The following AHI1 variants were observed in gnomAD, a reference collection of about 807,000 sequenced individuals.
AHI1 encodes the protein Abelson helper integration site 1.
A neutral mutation model predicts 149.3 loss-of-function variants in AHI1; 123 were observed. That is an observed-to-expected ratio of 0.82 (90% CI 0.71 to 0.96). AHI1 has a LOEUF of 0.96. AHI1 is among the 40% of genes least tolerant of loss of function. AHI1 has a pLI of 0.00. For synonymous variants in AHI1, 475 were observed against 459.8 expected, an observed-to-expected ratio of 1.03 and a Z score of -0.42; for missense variants, 1,439 against 1,422.7, an observed-to-expected ratio of 1.01 and a Z score of -0.18.
chr6:135,386,687 A>C (rs1192863512), intron 23 of AHI1, among the ~76,000 whole-genome samples: 2 of 150,294 alleles, frequency 1.3e-5, no homozygotes, highest in Admixed American at 6.6e-5. Flanking sequence ...CTGGAGTGCA[A>C]TGGCGTGGTC....
chr6:135,349,721 C>T (rs544979734), intron 24 of AHI1, among the ~76,000 whole-genome samples: 24 of 152,300 alleles, frequency 1.6e-4, no homozygotes, highest in Non-Finnish European at 2.8e-4. Context: ...AGATGTGCTT[C>T]ATTTTTCTGC....
chr6:135,387,742 G>A, intron 23 of AHI1: 1 of 1,159,080 alleles, frequency 8.6e-7, no homozygotes, highest in Admixed American at 4.1e-5. Flanking sequence ...AAAACAAACT[G>A]TATAATTTCA....
intron 17 of AHI1, 109 bp from the exon 18 acceptor site, chr6:135,430,109 A>T (rs1784443231): frequency 1.7e-6 from 1 of 589,620 alleles, no homozygotes; most frequent in Admixed American, 3.3e-5. Context: ...ACTGTATAGG[A>T]TGCTTTAAAA....
At chr6:135,407,808 C>G (rs1022888386) in intron 21 of AHI1, among the ~76,000 whole-genome samples, 3 of 151,904 alleles carry the variant, frequency 2.0e-5, no homozygotes, top group Non-Finnish European at 4.4e-5. Flanking sequence ...GTCAGGAGAT[C>G]GAGATCATCC....
rs1372681951 is a variant in AHI1, at chr6:135,285,337, C to T, written c.*308G>A. ...ATTCACATTTGCTGAGTAGCAATTA[C>T]AGTGTTTTCTTCATTAGTTTTCCAA... is the stretch of plus-strand genomic sequence containing the variant. On this transcript the variant is annotated 3_prime_UTR_variant, in exon 29 of 29. Transcript: ENST00000265602. The T allele has an allele frequency of 2.2e-6, 1 of 448,526 alleles. No individual in the cohort carries two copies. Among genetic ancestry groups the T allele is most frequent in the Non-Finnish European group, 4.0e-6 (1 of 249,196 alleles). The allele number at this position is 448,526 out of a possible 1,614,324, so 27.8% of individuals were successfully genotyped here.
At chr6:135,426,437 A>T (rs1209313245) in intron 20 of AHI1, among the ~76,000 whole-genome samples, 2 of 151,760 alleles carry the variant, frequency 1.3e-5, no homozygotes, top group Non-Finnish European at 3.0e-5. Context: ...ATTTATCACA[A>T]CCATTAATCA....
intron 5 of AHI1, among the ~76,000 whole-genome samples, chr6:135,482,625 C>T (rs1182732144): frequency 6.6e-6 from 1 of 151,840 alleles, no homozygotes; most frequent in African/African-American, 2.4e-5. Flanking sequence ...ATAATTTGGT[C>T]TTTGAAAATA....
chr6:135,378,986 A>T (rs1562619588), intron 23 of AHI1, among the ~76,000 whole-genome samples: 1 of 152,178 alleles, frequency 6.6e-6, no homozygotes, highest in Non-Finnish European at 1.5e-5. Flanking sequence ...CCATGGGCTC[A>T]AATACCACAC....
chr6:135,461,268 T>C (rs796346222), intron 8 of AHI1, among the ~76,000 whole-genome samples: 10 of 152,190 alleles, frequency 6.6e-5, no homozygotes, highest in African/African-American at 2.4e-4. Flanking sequence ...AACTTGAATA[T>C]ATTTACAAAT....
At chr6:135,291,694 G>A (rs576061490) in intron 27 of AHI1, among the ~76,000 whole-genome samples, 1 of 152,300 alleles carries the variant, frequency 6.6e-6, no homozygotes, top group South Asian at 2.1e-4. Context: ...GTGAAATGAA[G>A]TCAGATGACT....
At chr6:135,429,133 G>T (rs1290477066) in intron 18 of AHI1, among the ~76,000 whole-genome samples, 1 of 151,470 alleles carries the variant, frequency 6.6e-6, no homozygotes, top group African/African-American at 2.4e-5. Flanking sequence ...CTAATGGATA[G>T]AATTTTTATA....
intron 5 of AHI1, among the ~76,000 whole-genome samples, chr6:135,473,924 G>A (rs990365063): frequency 6.6e-6 from 1 of 152,032 alleles, no homozygotes; most frequent in Non-Finnish European, 1.5e-5. Context: ...TTATGATGGT[G>A]CATAAACACG....
rs75124116 is a variant in AHI1 at position 135,325,872 on chromosome 6, G to A, written c.3166-2548C>T. Among the ~76,000 whole-genome samples the A allele has an allele frequency of 3.8e-3, 584 of 152,302 alleles. 1 individual carries two copies. Among genetic ancestry groups the A allele is most frequent in the African/African-American group, 0.013 (558 of 41,558 alleles). ...CAGCTTAGGCAACAGAATCACTTACGAAATCCTACATCAGGCTGTGTCACT... is the reference window on the plus strand; with the variant it reads ...CAGCTTAGGCAACAGAATCACTTACAAAATCCTACATCAGGCTGTGTCACT... On this transcript the variant is annotated intron_variant, in intron 24 of 28. Transcript: ENST00000265602.
intron 20 of AHI1, among the ~76,000 whole-genome samples, chr6:135,425,718 T>TA (rs11464133): frequency 0.012 from 1,778 of 151,898 alleles, 38 homozygotes; most frequent in African/African-American, 0.041. Flanking sequence ...CCCATTTTTT[T>TA]AGACTCCTAA....
Position 135,495,902 on chromosome 6 carries a change from T to C in AHI1, c.-139-4A>G, listed in dbSNP as rs946173763. The C allele has an allele frequency of 6.6e-6, 1 of 152,174 alleles. No individual in the cohort carries two copies. The highest frequency in any genetic ancestry group is 1.9e-4 in the East Asian group (1 of 5,204). The allele number at this position is 152,174 out of a possible 1,614,324, so 9.4% of individuals were successfully genotyped here. On this transcript the variant is annotated splice_region_variant and splice_polypyrimidine_tract_variant and intron_variant, in intron 2 of 28. Transcript: ENST00000265602. ...TAAAATGGCACCTATTTTAGTACTG[T>C]AAGGAGAAGAGAAAATACCAAAAAG...
intron 3 of AHI1, chr6:135,493,048 G>A (rs1043837070): frequency 8.8e-5 from 75 of 848,190 alleles, no homozygotes; most frequent in African/African-American, 4.2e-4. Context: ...TCCCTTTGTC[G>A]AGTGCAGTGG....
chr6:135,431,978 G>A (rs1373170463), intron 16 of AHI1, among the ~76,000 whole-genome samples: 2 of 145,984 alleles, frequency 1.4e-5, no homozygotes, highest in African/African-American at 2.5e-5. Context: ...TCTACCCACT[G>A]GAGTAACATG....
chr6:135,423,158 T>C (rs548888484), intron 20 of AHI1, among the ~76,000 whole-genome samples: 6 of 152,274 alleles, frequency 3.9e-5, no homozygotes, highest in South Asian at 4.1e-4. Flanking sequence ...TGAGATAATA[T>C]ATGTAAAATG....
chr6:135,428,672 A>T lies in AHI1; in HGVS notation c.2580T>A (p.Ala860=), dbSNP rs1185759126. ...CATACACTATACCATCCTCACTTCC[A>T]GCAAACAGAAAAGTCCCACATGGAG... ...TLTPCGTFLF[A]GSEDGIVYVW... is the part of the protein sequence containing the mutation. Residue 860 remains alanine, a synonymous_variant, in exon 19 of 29, where the codon GCT becomes GCA. Coordinates refer to ENST00000265602, the MANE Select transcript of AHI1 (RefSeq NM_001134831.2). The T allele has an allele frequency of 1.2e-6, 2 of 1,609,070 alleles. No individual in the cohort carries two copies. The highest frequency in any genetic ancestry group is 1.7e-5 in the Admixed American group (1 of 59,566).
Sources: gnomAD v4.1 joint callset for allele counts (sites outside exome capture counted in the v4.1 genomes callset) on GRCh38, gnomAD v4.1.1 for gene constraint, MANE v1.5 for transcripts, NCBI Gene and HGNC (gene_info 2026-07-23, HGNC 2026-07-21) for gene names.